MOB3B: variants seen among roughly 807,000 people sequenced by gnomAD.
The protein encoded by MOB3B is MOB kinase activator 3B, also known as MOB kinase activator-like 2B.
Under a neutral mutation model 18.7 loss-of-function variants are expected in MOB3B, and 7 were observed. The ratio of observed to expected loss-of-function variants is 0.37; its 90% confidence interval spans 0.21 to 0.70. MOB3B has a LOEUF of 0.70. Ranked by LOEUF, MOB3B falls within the 30% of genes least tolerant of loss-of-function variation. MOB3B has a pLI of 0.52. For missense variants in MOB3B, 253 were observed against 281.3 expected (o/e 0.90, Z 0.72); for synonymous variants, 111 against 99.9 (o/e 1.11, Z -0.66).
At chr9:27,427,039 G>T (rs1822345195) in intron 2 of MOB3B, among the ~76,000 whole-genome samples, 1 of 152,212 alleles carries the variant, frequency 6.6e-6, no homozygotes, top group South Asian at 2.1e-4. Flanking sequence ...ATGAGCAAAG[G>T]CAGAGCAAGG....
At chr9:27,483,172 G>T (rs1167856494) in intron 1 of MOB3B, among the ~76,000 whole-genome samples, 1 of 114,722 alleles carries the variant, frequency 8.7e-6, no homozygotes, top group Admixed American at 1.4e-4. Flanking sequence ...TTGCTCTGTC[G>T]CCCAGGCTGG....
chr9:27,467,716 T>A (rs1194639433), intron 1 of MOB3B, among the ~76,000 whole-genome samples: 1 of 152,242 alleles, frequency 6.6e-6, no homozygotes, highest in African/African-American at 2.4e-5. Context: ...TGACCTTTTT[T>A]CCTCCTGCGA....
intron 2 of MOB3B, among the ~76,000 whole-genome samples, chr9:27,448,900 T>C (rs1822737556): frequency 6.6e-6 from 1 of 152,130 alleles, no homozygotes; most frequent in Non-Finnish European, 1.5e-5. Context: ...TCTTGAAGGA[T>C]CAAATGTAGG....
intron 2 of MOB3B, among the ~76,000 whole-genome samples, chr9:27,439,085 T>C: frequency 6.6e-6 from 1 of 152,178 alleles, no homozygotes. Context: ...GAATATTTAT[T>C]GAACATTTTC....
Position 27,326,530 on chromosome 9 carries a change from A to T in MOB3B, c.*4057T>A, listed in dbSNP as rs1401251193. 8 of 398,510 alleles carry T rather than the reference A, an allele frequency of 2.0e-5. No individual in the cohort carries two copies. The highest frequency in any genetic ancestry group is 3.5e-5 in the Non-Finnish European group (8 of 226,068). The allele number at this position is 398,510 out of a possible 1,614,324, so 24.7% of individuals were successfully genotyped here. A position where few individuals can be genotyped will look rare whatever the true frequency, so the allele number is the denominator to read the frequency against. Reference sequence around the variant, plus strand: ...TTGTGGAGGGTTCAGTGGGTTGGTTATACCAAAGAATGCTATAGAATTTCC... The same window carrying T: ...TTGTGGAGGGTTCAGTGGGTTGGTTTTACCAAAGAATGCTATAGAATTTCC... On this transcript the variant is annotated 3_prime_UTR_variant, in exon 4 of 4. Transcript: ENST00000262244.
intron 3 of MOB3B, among the ~76,000 whole-genome samples, chr9:27,346,144 A>G (rs1821028226): frequency 6.6e-6 from 1 of 152,310 alleles, no homozygotes; most frequent in Non-Finnish European, 1.5e-5. Flanking sequence ...CCCTTCTGCC[A>G]TGTGAGAATG....
At chr9:27,433,368 C>A (rs1431714360) in intron 2 of MOB3B, among the ~76,000 whole-genome samples, 2 of 152,150 alleles carry the variant, frequency 1.3e-5, no homozygotes, top group Admixed American at 1.3e-4. Context: ...CCATCTTAAG[C>A]AGTAAGATGA....
At chr9:27,509,158 C>A (rs944423589) in intron 1 of MOB3B, among the ~76,000 whole-genome samples, 1 of 152,138 alleles carries the variant, frequency 6.6e-6, no homozygotes, top group African/African-American at 2.4e-5. Flanking sequence ...TTTCTTAATG[C>A]TCATTATTCA....
At chr9:27,512,477 T>C (rs1218812272) in intron 1 of MOB3B, among the ~76,000 whole-genome samples, 1 of 152,128 alleles carries the variant, frequency 6.6e-6, no homozygotes, top group Admixed American at 6.5e-5. Context: ...ATGCCAAAAG[T>C]TTAATAAAAA....
At chr9:27,460,227 G>A (rs1433860046) in intron 1 of MOB3B, among the ~76,000 whole-genome samples, 5 of 152,226 alleles carry the variant, frequency 3.3e-5, no homozygotes, top group Admixed American at 2.6e-4. Context: ...GGTCAGGGAT[G>A]AAACAGGACA....
At position 27,522,401 on chromosome 9, in the gene MOB3B, A is replaced by G. The variant is rs79616354; in HGVS notation, c.-199+7154T>C. On this transcript the variant is annotated intron_variant, in intron 1 of 3. Transcript: ENST00000262244. ...AGATAGTGACTCAAAATTTTTGCATATATATCAAGACATTTTTTCATATAT... is the reference window on the plus strand; with the variant it reads ...AGATAGTGACTCAAAATTTTTGCATGTATATCAAGACATTTTTTCATATAT... Among the ~76,000 whole-genome samples the G allele has an allele frequency of 2.1e-5, 3 of 140,178 alleles. No homozygotes were observed. In the East Asian group the frequency reaches 6.1e-4, roughly 29 times the overall value. 92.0% of individuals were successfully genotyped at this position (140,178 alleles called of 152,430 possible).
intron 2 of MOB3B, chr9:27,391,762 T>C (rs1038827024): frequency 1.3e-5 from 2 of 152,208 alleles, no homozygotes; most frequent in Non-Finnish European, 2.9e-5. Context: ...CTTGGAGGTA[T>C]CATATGTTCA....
At chr9:27,414,877 T>G (rs930959808) in intron 2 of MOB3B, among the ~76,000 whole-genome samples, 1 of 147,546 alleles carries the variant, frequency 6.8e-6, no homozygotes, top group Non-Finnish European at 1.5e-5. Context: ...TATTTTTTAA[T>G]TTTTTTTTTT....
intron 3 of MOB3B, among the ~76,000 whole-genome samples, chr9:27,332,467 A>G (rs1446553781): frequency 6.6e-6 from 1 of 152,240 alleles, no homozygotes. Flanking sequence ...TGTACTTTTG[A>G]AAAGAAAGAA....
chr9:27,363,843 G>A (rs62540094), intron 2 of MOB3B, among the ~76,000 whole-genome samples: 1 of 152,158 alleles, frequency 6.6e-6, no homozygotes, highest in Non-Finnish European at 1.5e-5. Context: ...CTGGGCCCAA[G>A]CAATCCTCCT....
At chr9:27,470,826 A>G (rs1329607727) in intron 1 of MOB3B, among the ~76,000 whole-genome samples, 1 of 152,154 alleles carries the variant, frequency 6.6e-6, no homozygotes, top group African/African-American at 2.4e-5. Flanking sequence ...TTTTCTCAGC[A>G]AATATTTATG....
chr9:27,412,517 G>T (rs998640550), intron 2 of MOB3B, among the ~76,000 whole-genome samples: 1 of 152,132 alleles, frequency 6.6e-6, no homozygotes, highest in East Asian at 1.9e-4. Context: ...TGTTTCTATA[G>T]TTATTAGTCT....
intron 2 of MOB3B, among the ~76,000 whole-genome samples, chr9:27,367,757 T>C (rs544861922): frequency 6.9e-4 from 105 of 152,290 alleles, no homozygotes; most frequent in Non-Finnish European, 1.2e-3. Context: ...CAGGTGAAGC[T>C]GCCTCTTCTC....
chr9:27,354,576 G>A (rs1821157233), intron 3 of MOB3B, among the ~76,000 whole-genome samples: 1 of 152,172 alleles, frequency 6.6e-6, no homozygotes, highest in African/African-American at 2.4e-5. Flanking sequence ...GTGGAGGTCT[G>A]CATGCATGTT....
Sources: gnomAD v4.1 joint callset for allele counts (sites outside exome capture counted in the v4.1 genomes callset) on GRCh38, gnomAD v4.1.1 for gene constraint, MANE v1.5 for transcripts, NCBI Gene and HGNC (gene_info 2026-07-23, HGNC 2026-07-21) for gene names.